DOK5: variants seen among roughly 807,000 people sequenced by gnomAD.
The protein encoded by DOK5 is docking protein 5.
DOK5 carries 27 observed loss-of-function variants against 43.3 expected under a neutral mutation model. The observed-to-expected ratio is 0.62, with a 90% confidence interval of 0.46 to 0.86. The LOEUF (loss-of-function observed/expected upper bound fraction) is 0.86. DOK5 is among the 40% of genes least tolerant of loss of function. The pLI, the probability that DOK5 is intolerant of heterozygous loss-of-function variation, is 0.00. For missense variants in DOK5, 373 were observed against 392.9 expected, an observed-to-expected ratio of 0.95 and a Z score of 0.43; for synonymous variants, 146 against 140.1, an observed-to-expected ratio of 1.04 and a Z score of -0.30.
intron 1 of DOK5, among the ~76,000 whole-genome samples, chr20:54,506,254 A>C (rs774238201): frequency 6.6e-6 from 1 of 152,202 alleles, no homozygotes; most frequent in African/African-American, 2.4e-5. Context: ...GCAATGTGGA[A>C]GAAACAGAGA....
chr20:54,524,239 G>A (rs1379463729), intron 1 of DOK5, among the ~76,000 whole-genome samples: 1 of 152,164 alleles, frequency 6.6e-6, no homozygotes, highest in Non-Finnish European at 1.5e-5. Context: ...AAAGAAGGAT[G>A]AAGTGAGGGG....
rs386394048 is a variant in DOK5 at position 54,646,248 on chromosome 20, G to GTTTTTTTTTTTTTTTTT, written c.856+2678_856+2694dup. ...TACTGTTATATCCACTGGTTATACT[G>GTTTTTTTTTTTTTTTTT]TTTTTTTTTTTTTTTTTTTTTTTTG... On this transcript the variant is annotated intron_variant, in intron 7 of 7. Transcript: ENST00000262593. Among the ~76,000 whole-genome samples, 111 of 79,928 alleles carry GTTTTTTTTTTTTTTTTT rather than the reference G, an allele frequency of 1.4e-3. 9 individuals carry two copies. The highest frequency in any genetic ancestry group is 1.7e-3 in the African/African-American group (33 of 18,992). The allele number at this position is 79,928 out of a possible 152,430, so 52.4% of individuals were successfully genotyped here.
At chr20:54,547,316 A>C (rs1984383106) in intron 1 of DOK5, among the ~76,000 whole-genome samples, 1 of 152,202 alleles carries the variant, frequency 6.6e-6, no homozygotes, top group African/African-American at 2.4e-5. Context: ...GGTAGATTAT[A>C]AAGGCCTAAA....
At chr20:54,480,034 A>G (rs1182140513) in intron 1 of DOK5, among the ~76,000 whole-genome samples, 1 of 151,958 alleles carries the variant, frequency 6.6e-6, no homozygotes, top group Admixed American at 6.6e-5. Context: ...TAACATTGCA[A>G]CAGTCTTCTC....
chr20:54,514,954 AAAAT>A (rs768253723), intron 1 of DOK5, among the ~76,000 whole-genome samples: 1 of 151,356 alleles, frequency 6.6e-6, no homozygotes, highest in African/African-American at 2.4e-5. Context: ...TTTTTTAAAG[AAAAT>A]AAATAATCTT....
intron 1 of DOK5, among the ~76,000 whole-genome samples, chr20:54,536,101 G>A (rs1323000597): frequency 6.6e-6 from 1 of 152,218 alleles, no homozygotes; most frequent in African/African-American, 2.4e-5. Context: ...ATAAAATATA[G>A]TGTGTTTTTA....
At chr20:54,560,111 C>T (rs1445847176) in intron 2 of DOK5, among the ~76,000 whole-genome samples, 1 of 152,226 alleles carries the variant, frequency 6.6e-6, no homozygotes, top group Admixed American at 6.5e-5. Flanking sequence ...GAATTTCATC[C>T]AACTTATCTG....
intron 2 of DOK5, among the ~76,000 whole-genome samples, chr20:54,582,691 A>T (rs910373568): frequency 1.3e-5 from 2 of 151,780 alleles, no homozygotes; most frequent in African/African-American, 4.8e-5. Flanking sequence ...ATCATCATTC[A>T]TGGTAGTCTC....
chr20:54,630,725 A>G (rs912232633), intron 6 of DOK5, among the ~76,000 whole-genome samples: 24 of 152,238 alleles, frequency 1.6e-4, no homozygotes, highest in Admixed American at 4.6e-4. Flanking sequence ...CTGTTACACA[A>G]TAATGTGAAG....
chr20:54,566,921 C>T (rs973693501), intron 2 of DOK5, among the ~76,000 whole-genome samples: 2 of 152,172 alleles, frequency 1.3e-5, no homozygotes, highest in Non-Finnish European at 2.9e-5. Flanking sequence ...TGACATTTCA[C>T]TGTGGTTTTA....
At chr20:54,541,079 C>T (rs1415698867) in intron 1 of DOK5, among the ~76,000 whole-genome samples, 1 of 152,198 alleles carries the variant, frequency 6.6e-6, no homozygotes, top group African/African-American at 2.4e-5. Context: ...TCCAGGCTTT[C>T]TCAGCTAATG....
At chr20:54,549,450 A>G (rs6098070) in intron 1 of DOK5, among the ~76,000 whole-genome samples, 3,087 of 152,298 alleles carry the variant, frequency 0.02, 103 homozygotes, top group African/African-American at 0.07. Flanking sequence ...CTGTTCATAA[A>G]CCAAATTTGA....
rs144006309 is a variant in DOK5, at chr20:54,609,154, G to A, written c.600-1234G>A. On this transcript the variant is annotated intron_variant, in intron 5 of 7. Transcript: ENST00000262593. ...TCTTCCTCGTATTATTGCATTAACT[G>A]CATAGACTGGGCTAGACTAAAAAAA... 3.3e-3 allele frequency among the ~76,000 whole-genome samples: 504 copies of A among 152,252 alleles called. 2 individuals carry two copies. Among genetic ancestry groups the A allele is most frequent in the African/African-American group, 0.012 (478 of 41,536 alleles).
chr20:54,644,713 A>AAAAAAC lies in DOK5; in HGVS notation c.856+1140_856+1141insCAAAAA, dbSNP rs1209892963. On this transcript the variant is annotated intron_variant, in intron 7 of 7. Coordinates refer to ENST00000262593, the MANE Select transcript of DOK5 (RefSeq NM_018431.5). ...AGAGAGAGACTCCGTCTCAAAAAAA[A>AAAAAAC]AAAAAAAAAAACAAAATTTAGCTGG... Among the ~76,000 whole-genome samples, 137 of 51,980 alleles carry AAAAAAC rather than the reference A, an allele frequency of 2.6e-3. 1 individual carries two copies. The East Asian group carries it at 0.055, about 21-fold the overall frequency. 34.1% of individuals were successfully genotyped at this position (51,980 alleles called of 152,430 possible). A position where few individuals can be genotyped will look rare whatever the true frequency, so the allele number is the denominator to read the frequency against.
intron 1 of DOK5, among the ~76,000 whole-genome samples, chr20:54,503,626 A>G (rs1309069988): frequency 1.3e-5 from 2 of 152,186 alleles, no homozygotes; most frequent in Non-Finnish European, 2.9e-5. Flanking sequence ...AGTGCCATTA[A>G]CAAAAAGCCA....
At chr20:54,619,050 T>G (rs989511847) in intron 6 of DOK5, among the ~76,000 whole-genome samples, 2 of 119,456 alleles carry the variant, frequency 1.7e-5, no homozygotes, top group African/African-American at 6.8e-5. Flanking sequence ...TATATATATA[T>G]ATATATATAT....
chr20:54,644,844 GGC>G (rs1353662816), intron 7 of DOK5, among the ~76,000 whole-genome samples: 10 of 149,000 alleles, frequency 6.7e-5, no homozygotes, highest in Non-Finnish European at 1.2e-4. Flanking sequence ...CTCCAGCCTG[GGC>G]AACAAGAGCA....
At chr20:54,618,717 T>A (rs1986892396) in intron 6 of DOK5, among the ~76,000 whole-genome samples, 1 of 152,006 alleles carries the variant, frequency 6.6e-6, no homozygotes, top group Non-Finnish European at 1.5e-5. Flanking sequence ...AATATATCTT[T>A]TTAAAAAATC....
intron 1 of DOK5, among the ~76,000 whole-genome samples, chr20:54,503,620 C>T (rs1982694187): frequency 6.6e-6 from 1 of 151,954 alleles, no homozygotes; most frequent in Non-Finnish European, 1.5e-5. Flanking sequence ...TATAGCAGTG[C>T]CATTAACAAA....
Sources: allele counts gnomAD v4.1 joint callset (sites outside exome capture counted in the v4.1 genomes callset), GRCh38; gene constraint gnomAD v4.1.1; transcripts MANE v1.5; gene names NCBI Gene and HGNC (gene_info 2026-07-23, HGNC 2026-07-21).